USP43: variants seen among roughly 807,000 people sequenced by gnomAD.
The protein encoded by USP43 is ubiquitin carboxyl-terminal hydrolase 43.
A neutral mutation model predicts 90.7 loss-of-function variants in USP43; 33 were observed. The ratio of observed to expected loss-of-function variants is 0.36; its 90% CI spans 0.28 to 0.49. The LOEUF (loss-of-function observed/expected upper bound fraction) is 0.49. Ranked by LOEUF, USP43 falls within the 20% of genes least tolerant of loss-of-function variation. The probability of loss-of-function intolerance (pLI) is 0.98; values close to 1 mark genes in which losing one functional copy is unlikely to be tolerated. For synonymous variants in USP43, 598 were observed against 615.8 expected (o/e 0.97, Z 0.43); for missense variants, 1,274 against 1,476.4 (o/e 0.86, Z 2.25).
At position 9,701,730 on chromosome 17, in the gene USP43, C is replaced by G. The variant is rs574952075; in HGVS notation, c.2011+30C>G. On this transcript the variant is annotated intron_variant, in intron 12 of 14. Coordinates refer to ENST00000285199, the MANE Select transcript of USP43 (RefSeq NM_153210.5). The surrounding 1 kb of genome is among the most constrained non-coding windows in gnomAD (Gnocchi z 7.2). ...GCCTTGCCTTGCCTTTCTGCAAATG[C>G]AGCTGTGGCCACAGCCTCGAGATGT... The G allele has an allele frequency of 1.2e-5, 18 of 1,486,324 alleles. No individual in the cohort carries two copies. The East Asian group carries it at 4.0e-4, about 33-fold the overall frequency. The allele number at this position is 1,486,324 out of a possible 1,614,324, so 92.1% of individuals were successfully genotyped here. A position where few individuals can be genotyped will look rare whatever the true frequency, so the allele number is the denominator to read the frequency against.
rs1914298378 is a variant in USP43 at position 9,681,649 on chromosome 17, A to G, written c.1106-1174A>G. 8.6e-5 allele frequency among the ~76,000 whole-genome samples: 13 copies of G among 150,292 alleles called. No individual in the cohort carries two copies. In the South Asian group the frequency reaches 2.7e-3, roughly 32 times the overall value. On this transcript the variant is annotated intron_variant, in intron 6 of 14. Transcript: ENST00000285199. ...GCTGGGACTACAGGTGTCTGCCACC[A>G]CGCTTGGCTAGTTTTTGTATTTTTA...
chr17:9,674,911 A>G lies in USP43; in HGVS notation c.761A>G (p.His254Arg). The change falls in exon 4 of 15, where the codon CAC (histidine) becomes CGC (arginine). Residue 254 changes from histidine to arginine, a missense_variant. Physicochemically the swap from His to Arg is conservative, Grantham distance 29. Around this residue, in one of 6 missense-constraint regions of USP43, gnomAD observed 259 missense variants for 373.7 expected, o/e 0.69. Transcript: ENST00000285199. This position sits in a 1 kb window ranked among gnomAD's most constrained non-coding sequence, Gnocchi z 4.4. ...CACAGATCTTCCTTGACTTGTCCCC[A>G]CTGCCTGAAACAGAGCAACACCTTT... ...AQYRSSLTCP[H>R]CLKQSNTFDP... is the part of the protein sequence containing the mutation. The G allele has an allele frequency of 6.2e-7, 1 of 1,613,986 alleles. No homozygotes were observed. The highest frequency in any genetic ancestry group is 8.5e-7 in the Non-Finnish European group (1 of 1,179,886).
intron 1 of USP43, among the ~76,000 whole-genome samples, chr17:9,653,595 G>GAAA (rs59946486): frequency 1.2e-4 from 16 of 135,680 alleles, no homozygotes; most frequent in South Asian, 4.7e-4. Context: ...TTCAAAAAAA[G>GAAA]AAAAAAAAAA....
chr17:9,715,773 CTATGTG>C (rs1417083176), intron 14 of USP43, among the ~76,000 whole-genome samples: 1 of 124,200 alleles, frequency 8.1e-6, no homozygotes, highest in African/African-American at 2.9e-5. Flanking sequence ...GTGTTTGTGT[CTATGTG>C]TGTGTCTCTG....
intron 5 of USP43, 144 bp from the exon 6 acceptor site, chr17:9,680,087 C>A: frequency 4.7e-6 from 3 of 640,128 alleles, no homozygotes; most frequent in Non-Finnish European, 5.0e-6. Context: ...GTTGTATCTA[C>A]TATGCTGCCT....
intron 3 of USP43, among the ~76,000 whole-genome samples, chr17:9,672,771 C>T (rs1302808505): frequency 1.3e-5 from 2 of 152,160 alleles, no homozygotes; most frequent in Non-Finnish European, 2.9e-5. Flanking sequence ...ATGGAATGTC[C>T]AGTACTGGGG....
At chr17:9,667,360 C>T (rs1240884232) in intron 3 of USP43, among the ~76,000 whole-genome samples, 1 of 151,094 alleles carries the variant, frequency 6.6e-6, no homozygotes, top group Admixed American at 6.6e-5. Context: ...CCACTGTACT[C>T]CAGCCTGGGC....
In USP43 at chr17:9,709,738, AT is replaced by A. The variant is rs758678093; in HGVS notation, c.2012-217del. On this transcript the variant is annotated intron_variant, in intron 12 of 14. Transcript: ENST00000285199. This position sits in a 1 kb window ranked among gnomAD's most constrained non-coding sequence, Gnocchi z 5.0. ...CTCAAAAATAAATAAAAATAAATAA[AT>A]AAATAAAAATAATAACAGCACTTGT... Among the ~76,000 whole-genome samples, 11 of 152,194 alleles carry A rather than the reference AT, an allele frequency of 7.2e-5. No individual in the cohort carries two copies. Among genetic ancestry groups the A allele is most frequent in the Middle Eastern group, 6.8e-3 (2 of 294 alleles).
Sources: allele counts gnomAD v4.1 joint callset (sites outside exome capture counted in the v4.1 genomes callset), GRCh38; gene constraint gnomAD v4.1.1; regional missense constraint gnomAD v4.1.1; non-coding constraint Gnocchi (gnomAD v3.1); transcripts MANE v1.5; gene names NCBI Gene and HGNC (gene_info 2026-07-23, HGNC 2026-07-21).